Variants in NFIA observed in about 807,000 individuals in gnomAD.
NFIA encodes the protein nuclear factor I A, also known as nuclear factor 1 A-type.
NFIA carries 8 observed loss-of-function variants against 62.8 expected under a neutral mutation model. That is an observed-to-expected ratio of 0.13 (90% confidence interval 0.07 to 0.23). The LOEUF (loss-of-function observed/expected upper bound fraction) is 0.23, where lower values mean the gene tolerates loss of function less well. Ranked by LOEUF, NFIA falls within the 10% of genes least tolerant of loss-of-function variation. The probability of loss-of-function intolerance (pLI) is 1.00; values close to 1 mark genes in which losing one functional copy is unlikely to be tolerated. For synonymous variants in NFIA, 235 were observed against 238.1 expected (o/e 0.99, Z 0.12); for missense variants, 410 against 642.1 (o/e 0.64, Z 3.91).
intron 2 of NFIA, among the ~76,000 whole-genome samples, chr1:61,161,266 T>C (rs183786149): frequency 6.6e-6 from 1 of 152,326 alleles, no homozygotes; most frequent in Non-Finnish European, 1.5e-5. Context: ...TATCTGCAGT[T>C]TTTGTTTGTT....
At chr1:61,231,374 A>G (rs1300045901) in intron 2 of NFIA, among the ~76,000 whole-genome samples, 1 of 152,228 alleles carries the variant, frequency 6.6e-6, no homozygotes, top group Non-Finnish European at 1.5e-5. Flanking sequence ...ATGAATTAGG[A>G]TATAAATTGT....
At chr1:61,221,697 GTTT>G in intron 2 of NFIA, among the ~76,000 whole-genome samples, 1 of 152,230 alleles carries the variant, frequency 6.6e-6, no homozygotes, top group African/African-American at 2.4e-5. Flanking sequence ...CCATGACATG[GTTT>G]GGAGTACTTG....
chr1:61,352,433 T>G lies in NFIA; in HGVS notation c.701-17T>G. On this transcript the variant is annotated splice_polypyrimidine_tract_variant and intron_variant, in intron 4 of 10. Coordinates refer to ENST00000403491, the MANE Select transcript of NFIA (RefSeq NM_001134673.4). ...CCACAGAATTTAACTGATTTTTGTT[T>G]GTTTTCTTAATTCTAGCACCAATAG... is the stretch of plus-strand genomic sequence containing the variant. 2.6e-6 allele frequency: 4 copies of G among 1,561,952 alleles called. No individual in the cohort carries two copies. The highest frequency in any genetic ancestry group is 3.5e-6 in the Non-Finnish European group (4 of 1,134,568).
chr1:61,427,110 G>C (rs1218146141), intron 10 of NFIA, among the ~76,000 whole-genome samples: 1 of 152,128 alleles, frequency 6.6e-6, no homozygotes, highest in African/African-American at 2.4e-5. Context: ...AGGTGCGGTG[G>C]GTGGCAAGGG....
chr1:61,158,123 TA>T (rs1429761840), intron 2 of NFIA, among the ~76,000 whole-genome samples: 2 of 152,246 alleles, frequency 1.3e-5, no homozygotes, highest in Admixed American at 1.3e-4. Context: ...TTATTATTCT[TA>T]AGCAAATGGA....
chr1:61,452,251 A>G (rs527292328), intron 10 of NFIA, among the ~76,000 whole-genome samples: 1 of 99,782 alleles, frequency 1.0e-5, no homozygotes, highest in East Asian at 3.7e-4. Flanking sequence ...AGGGAGATGT[A>G]TGAATTATTA....
At chr1:61,246,654 C>G (rs969600306) in intron 2 of NFIA, among the ~76,000 whole-genome samples, 1 of 151,946 alleles carries the variant, frequency 6.6e-6, no homozygotes, top group African/African-American at 2.4e-5. Flanking sequence ...CCATAATATC[C>G]CCTTCAAAGG....
At chr1:61,184,507 T>C (rs563592359) in intron 2 of NFIA, among the ~76,000 whole-genome samples, 126 of 152,380 alleles carry the variant, frequency 8.3e-4, no homozygotes, top group African/African-American at 2.9e-3. Context: ...CACTTGAGCT[T>C]TGTGCATTCT....
At chr1:61,151,518 TAGAA>T (rs1326908254) in intron 2 of NFIA, among the ~76,000 whole-genome samples, 3 of 151,956 alleles carry the variant, frequency 2.0e-5, no homozygotes, top group Non-Finnish European at 4.4e-5. Flanking sequence ...GTCAGAGTCT[TAGAA>T]AGGGAGAAGA....
chr1:61,147,003 G>A (rs1648059196), intron 2 of NFIA, among the ~76,000 whole-genome samples: 1 of 152,180 alleles, frequency 6.6e-6, no homozygotes, highest in African/African-American at 2.4e-5. Context: ...CTGTGGATTA[G>A]TGAATCTTAC....
At chr1:61,306,064 A>C (rs980702965) in intron 3 of NFIA, among the ~76,000 whole-genome samples, 7 of 151,152 alleles carry the variant, frequency 4.6e-5, no homozygotes, top group Non-Finnish European at 7.4e-5. Context: ...GTTAGCCAGG[A>C]TGGTCTCAAT....
At chr1:61,192,652 G>T (rs182430386) in intron 2 of NFIA, among the ~76,000 whole-genome samples, 19 of 151,614 alleles carry the variant, frequency 1.3e-4, no homozygotes, top group Admixed American at 1.1e-3. Flanking sequence ...GCAGTGAGCC[G>T]AGATCGTGCC....
upstream of NFIA, chr1:61,082,141 C>A: frequency 2.3e-6 from 2 of 864,580 alleles, no homozygotes; most frequent in Non-Finnish European, 3.2e-6. Context: ...TATAGCTGCC[C>A]GGGAGTACAG....
At chr1:61,360,959 T>A (rs1434444432) in intron 6 of NFIA, among the ~76,000 whole-genome samples, 1 of 151,674 alleles carries the variant, frequency 6.6e-6, no homozygotes, top group Non-Finnish European at 1.5e-5. Context: ...CACTGGGGAC[T>A]TTCTCTGTAT....
chr1:61,206,706 A>G (rs1652921303), intron 2 of NFIA, among the ~76,000 whole-genome samples: 1 of 152,220 alleles, frequency 6.6e-6, no homozygotes, highest in Non-Finnish European at 1.5e-5. Context: ...CTAGATAAAT[A>G]TAAATTCATT....
intron 10 of NFIA, among the ~76,000 whole-genome samples, chr1:61,435,846 C>T (rs1378722595): frequency 6.6e-6 from 1 of 152,164 alleles, no homozygotes; most frequent in East Asian, 1.9e-4. Flanking sequence ...TTCCTATTCC[C>T]TGATAGGTTT....
At chr1:61,097,928 G>A (rs1646444239) in intron 2 of NFIA, among the ~76,000 whole-genome samples, 1 of 152,066 alleles carries the variant, frequency 6.6e-6, no homozygotes, top group African/African-American at 2.4e-5. Context: ...TGAAAATGTT[G>A]GCTGCAGAAG....
chr1:61,402,033 CT>C (rs10636290), intron 7 of NFIA, among the ~76,000 whole-genome samples: 515 of 94,540 alleles, frequency 5.4e-3, no homozygotes, highest in South Asian at 0.021. Context: ...ACTCATTTTT[CT>C]TTTTTTTTTT....
chr1:61,180,210 C>T (rs1014353624), intron 2 of NFIA, among the ~76,000 whole-genome samples: 3 of 152,104 alleles, frequency 2.0e-5, no homozygotes, highest in Non-Finnish European at 2.9e-5. Context: ...GCTTGAACTC[C>T]GTCACTCAAG....
Sources: gnomAD v4.1 joint callset for allele counts (sites outside exome capture counted in the v4.1 genomes callset) on GRCh38, gnomAD v4.1.1 for gene constraint, MANE v1.5 for transcripts, NCBI Gene and HGNC (gene_info 2026-07-23, HGNC 2026-07-21) for gene names.